Variants in FSHR observed in about 807,000 individuals in gnomAD.
The protein encoded by FSHR is follicle stimulating hormone receptor.
FSHR carries 46 observed loss-of-function variants against 52.1 expected under a neutral mutation model. That is an observed-to-expected ratio of 0.88 (90% CI 0.70 to 1.13). The LOEUF (loss-of-function observed/expected upper bound fraction) is 1.13, where lower values mean the gene tolerates loss of function less well. FSHR is among the 50% of genes most tolerant of loss of function. The pLI is 0.00. For missense variants in FSHR, 964 were observed against 834.6 expected, an observed-to-expected ratio of 1.16 and a Z score of -1.91; for synonymous variants, 399 against 309.6, an observed-to-expected ratio of 1.29 and a Z score of -3.03.
At chr2:48,966,157 G>T (rs560571239) in intron 9 of FSHR, among the ~76,000 whole-genome samples, 1 of 152,286 alleles carries the variant, frequency 6.6e-6, no homozygotes, top group African/African-American at 2.4e-5. Context: ...ATGAAATAAA[G>T]ATACAGAGTA....
chr2:48,997,328 C>T (rs1156247259), intron 4 of FSHR: 3 of 985,016 alleles, frequency 3.0e-6, no homozygotes, highest in Admixed American at 6.2e-5. Flanking sequence ...CTCTTTGTCT[C>T]AGTCTCCATG....
In FSHR at chr2:49,060,093, G is replaced by A. The variant is rs565510112; in HGVS notation, c.224+8126C>T. Among the ~76,000 whole-genome samples, 9 of 152,148 alleles carry A rather than the reference G, an allele frequency of 5.9e-5. 1 individual carries two copies. The South Asian group carries it at 1.9e-3, about 32-fold the overall frequency. On this transcript the variant is annotated intron_variant, in intron 2 of 9. Coordinates refer to ENST00000406846, the MANE Select transcript of FSHR (RefSeq NM_000145.4). ...ACATATAAATGGCCAACACATATATGGAAAAATGCTCCACATCACTAATCA... is the reference window on the plus strand; with the variant it reads ...ACATATAAATGGCCAACACATATATAGAAAAATGCTCCACATCACTAATCA...
intron 2 of FSHR, among the ~76,000 whole-genome samples, chr2:49,063,778 TAAC>T (rs377472536): frequency 6.6e-6 from 1 of 152,088 alleles, no homozygotes; most frequent in Non-Finnish European, 1.5e-5. Flanking sequence ...CAACTATAAT[TAAC>T]AACAATTTGC....
intron 1 of FSHR, among the ~76,000 whole-genome samples, chr2:49,097,171 T>G (rs1334547057): frequency 6.6e-6 from 1 of 152,244 alleles, no homozygotes; most frequent in Non-Finnish European, 1.5e-5. Context: ...TCTGCTTTTC[T>G]GCTTTCAGTA....
At chr2:49,097,475 T>G (rs1670870120) in intron 1 of FSHR, among the ~76,000 whole-genome samples, 1 of 152,184 alleles carries the variant, frequency 6.6e-6, no homozygotes, top group Non-Finnish European at 1.5e-5. Context: ...GAACAAGAAA[T>G]GAATTATCTC....
intron 4 of FSHR, among the ~76,000 whole-genome samples, chr2:49,005,493 C>G (rs532192373): frequency 6.6e-6 from 1 of 152,228 alleles, no homozygotes; most frequent in East Asian, 1.9e-4. Flanking sequence ...CTAATAATTT[C>G]TTCACTATAA....
intron 9 of FSHR, among the ~76,000 whole-genome samples, chr2:48,966,626 A>G (rs1436214690): frequency 1.3e-5 from 2 of 152,348 alleles, no homozygotes; most frequent in East Asian, 3.9e-4. Flanking sequence ...GAATCCCGCT[A>G]CCAAACCACA....
chr2:49,138,938 T>A (rs1424934393), intron 1 of FSHR, among the ~76,000 whole-genome samples: 1 of 152,108 alleles, frequency 6.6e-6, no homozygotes, highest in Non-Finnish European at 1.5e-5. Context: ...CCCTTGGGTG[T>A]GTGGGGTATG....
intron 8 of FSHR, among the ~76,000 whole-genome samples, chr2:48,971,113 A>G (rs1324681241): frequency 6.6e-6 from 1 of 152,206 alleles, no homozygotes; most frequent in African/African-American, 2.4e-5. Context: ...CTTAGGATGA[A>G]GGACAAGTCA....
At chr2:49,073,461 A>C (rs1669828968) in intron 1 of FSHR, among the ~76,000 whole-genome samples, 1 of 152,058 alleles carries the variant, frequency 6.6e-6, no homozygotes, top group Non-Finnish European at 1.5e-5. Context: ...TACAATAGCT[A>C]CAAAAAAATA....
intron 9 of FSHR, 57 bp from the exon 10 acceptor site, chr2:48,964,023 A>G: frequency 1.9e-6 from 3 of 1,541,018 alleles, no homozygotes; most frequent in Non-Finnish European, 2.7e-6. Context: ...TAGCAAATAC[A>G]TCACTGTCTT....
intron 2 of FSHR, among the ~76,000 whole-genome samples, chr2:49,061,783 T>A (rs28827576): frequency 7.0e-6 from 1 of 142,062 alleles, no homozygotes; most frequent in Admixed American, 7.3e-5. Context: ...ACTCTATATA[T>A]TCATATATAA....
At chr2:49,123,591 A>G (rs1572774685) in intron 1 of FSHR, among the ~76,000 whole-genome samples, 1 of 152,354 alleles carries the variant, frequency 6.6e-6, no homozygotes, top group East Asian at 1.9e-4. Context: ...CAGTGTATAC[A>G]TGTATTGAAG....
chr2:49,148,188 C>G (rs572769995), intron 1 of FSHR, among the ~76,000 whole-genome samples: 3 of 152,024 alleles, frequency 2.0e-5, no homozygotes, highest in Non-Finnish European at 4.4e-5. Context: ...TCACGTAAGT[C>G]AAGAGAATTG....
intron 9 of FSHR, among the ~76,000 whole-genome samples, 184 bp downstream of exon 9, chr2:48,968,513 GA>G (rs1174400047): frequency 6.6e-6 from 1 of 152,226 alleles, no homozygotes; most frequent in Non-Finnish European, 1.5e-5. Context: ...CACTTTCAAA[GA>G]AATGAAAGAG....
intron 1 of FSHR, among the ~76,000 whole-genome samples, chr2:49,083,082 G>C (rs1273647392): frequency 6.6e-6 from 1 of 151,448 alleles, no homozygotes; most frequent in Non-Finnish European, 1.5e-5. Flanking sequence ...AAAATGTTAA[G>C]GGCAGCCAGA....
At chr2:49,092,518 A>C (rs1670650384) in intron 1 of FSHR, among the ~76,000 whole-genome samples, 1 of 152,200 alleles carries the variant, frequency 6.6e-6, no homozygotes, top group Non-Finnish European at 1.5e-5. Context: ...TTCTATCTCT[A>C]GTCTGCTGAA....
chr2:48,977,668 A>G (rs1025135203), intron 8 of FSHR, among the ~76,000 whole-genome samples: 3 of 152,206 alleles, frequency 2.0e-5, no homozygotes, highest in Non-Finnish European at 2.9e-5. Flanking sequence ...ACTGGGGAGT[A>G]ACATTCATCC....
intron 1 of FSHR, among the ~76,000 whole-genome samples, chr2:49,125,823 A>T (rs1004293762): frequency 6.6e-6 from 1 of 152,252 alleles, no homozygotes; most frequent in Non-Finnish European, 1.5e-5. Flanking sequence ...TCTTGCCACT[A>T]GCTGTCGTGG....
Sources: gnomAD v4.1 joint callset for allele counts (sites outside exome capture counted in the v4.1 genomes callset) on GRCh38, gnomAD v4.1.1 for gene constraint, MANE v1.5 for transcripts, NCBI Gene and HGNC (gene_info 2026-07-23, HGNC 2026-07-21) for gene names.